Variants in GGNBP2 observed in about 807,000 individuals in gnomAD.
GGNBP2 encodes gametogenetin binding protein 2, also known as gametogenetin-binding protein 2.
GGNBP2 carries 10 observed loss-of-function variants against 85.9 expected under a neutral mutation model. That is an observed-to-expected ratio of 0.12 (90% CI 0.07 to 0.20). The LOEUF is 0.20. Ranked by LOEUF, GGNBP2 falls within the 10% of genes least tolerant of loss-of-function variation. The pLI, the probability that GGNBP2 is intolerant of heterozygous loss-of-function variation, is 1.00. For synonymous variants in GGNBP2, 287 were observed against 285.7 expected (o/e 1.00, Z -0.05); for missense variants, 595 against 857.8 (o/e 0.69, Z 3.83).
intron 5 of GGNBP2, among the ~76,000 whole-genome samples, chr17:36,564,033 C>T (rs544056065): frequency 4.6e-5 from 7 of 152,356 alleles, no homozygotes; most frequent in South Asian, 4.1e-4. Flanking sequence ...GCGTGAGCCA[C>T]GGCGCCTGGC....
At chr17:36,562,656 G>A (rs2074429025) in intron 5 of GGNBP2, among the ~76,000 whole-genome samples, 1 of 150,842 alleles carries the variant, frequency 6.6e-6, no homozygotes, top group East Asian at 2.0e-4. Flanking sequence ...CCTATACCGA[G>A]CAACAAAAAA....
chr17:36,556,751 CTTTTTTT>C (rs10544073), intron 3 of GGNBP2, among the ~76,000 whole-genome samples: 10 of 52,816 alleles, frequency 1.9e-4, no homozygotes, highest in African/African-American at 4.4e-4. Context: ...CTGTATTGTG[CTTTTTTT>C]TTTTTTTTTT....
chr17:36,545,926 T>G, intron 2 of GGNBP2, 109 bp downstream of exon 2: 4 of 752,712 alleles, frequency 5.3e-6, no homozygotes, highest in Non-Finnish European at 6.5e-6. Context: ...GTGTTGCAAC[T>G]CCTAGGCGAG....
At chr17:36,558,414 C>CAAAAA (rs755597241) in intron 4 of GGNBP2, among the ~76,000 whole-genome samples, 2 of 18,974 alleles carry the variant, frequency 1.1e-4, no homozygotes, top group African/African-American at 3.9e-4. Flanking sequence ...AGCTCCATCT[C>CAAAAA]AAAAAAAAAA....
Position 36,582,416 on chromosome 17 carries a change from T to A in GGNBP2, c.1215+878T>A, listed in dbSNP as rs1318028951. 2.6e-5 allele frequency: 4 copies of A among 152,180 alleles called. No homozygotes were observed. The East Asian group carries it at 7.7e-4, about 29-fold the overall frequency. The allele number at this position is 152,180 out of a possible 1,614,324, so 9.4% of individuals were successfully genotyped here. A position where few individuals can be genotyped will look rare whatever the true frequency, so the allele number is the denominator to read the frequency against. The stretch of plus-strand genomic sequence containing the variant: ...ATAAAAACTGTTTAAATAGTTGTTA[T>A]ACTGTATTGTTTAGAAAATAAGGAC... On this transcript the variant is annotated intron_variant, in intron 9 of 13. Transcript: ENST00000613102.
At chr17:36,587,312 G>C in intron 13 of GGNBP2, 67 bp downstream of exon 13, 1 of 1,515,280 alleles carries the variant, frequency 6.6e-7, no homozygotes. Context: ...GGAGGGGATA[G>C]TATTTGAGGG....
chr17:36,575,646 A>ATT lies in GGNBP2; in HGVS notation c.642-2336_642-2335insTT, dbSNP rs1360835058. Among the ~76,000 whole-genome samples, 174 of 54,586 alleles carry ATT rather than the reference A, an allele frequency of 3.2e-3. 1 individual carries two copies. Among genetic ancestry groups the ATT allele is most frequent in the East Asian group, 7.2e-3 (11 of 1,518 alleles). 35.8% of individuals were successfully genotyped at this position (54,586 alleles called of 152,430 possible). On this transcript the variant is annotated intron_variant, in intron 6 of 13. Coordinates refer to ENST00000613102, the MANE Select transcript of GGNBP2 (RefSeq NM_024835.5). Reference sequence around the variant, plus strand: ...TATATATATATATATATATATATATATATTTTTTTTTTTTTTTGAGATGGA... The same window carrying ATT: ...TATATATATATATATATATATATATATTTATTTTTTTTTTTTTTTGAGATGGA...
intron 2 of GGNBP2, 97 bp downstream of exon 2, chr17:36,545,914 G>C: frequency 1.2e-6 from 1 of 848,076 alleles, no homozygotes; most frequent in Non-Finnish European, 1.9e-6. Flanking sequence ...TGGAGAAAGA[G>C]TGTGTTGCAA....
chr17:36,545,338 CG>C (rs1404009889), intron 1 of GGNBP2, among the ~76,000 whole-genome samples: 2 of 123,366 alleles, frequency 1.6e-5, no homozygotes, highest in Middle Eastern at 5.3e-3. Flanking sequence ...ACTCCTGCAG[CG>C]GGCGGGGAAG....
At position 36,583,671 on chromosome 17, in the gene GGNBP2, C is replaced by T. The variant is rs1567834573; in HGVS notation, c.1216-1629C>T. On this transcript the variant is annotated intron_variant, in intron 9 of 13. Coordinates refer to ENST00000613102, the MANE Select transcript of GGNBP2 (RefSeq NM_024835.5). ...AGAGATGGGGTTTTGCCTTGTTGCC[C>T]AGGCTGGTCTCGAACTCCTGAGCTT... is the stretch of plus-strand genomic sequence containing the variant. Among the ~76,000 whole-genome samples the T allele has an allele frequency of 2.0e-5, 3 of 151,902 alleles. No homozygotes were observed. The East Asian group carries it at 5.9e-4, about 30-fold the overall frequency.
intron 3 of GGNBP2, 55 bp downstream of exon 3, chr17:36,554,955 AT>A: frequency 9.5e-7 from 1 of 1,048,414 alleles, no homozygotes; most frequent in South Asian, 1.3e-5. Context: ...TTAAAGACTC[AT>A]TTAAAATTTA....
At chr17:36,566,392 GCTCACGC>G (rs961970889) in intron 5 of GGNBP2, among the ~76,000 whole-genome samples, 29 of 152,308 alleles carry the variant, frequency 1.9e-4, no homozygotes, top group African/African-American at 6.7e-4. Flanking sequence ...GGGCTTGGTG[GCTCACGC>G]CTGTAATCCC....
At position 36,586,989 on chromosome 17, in the gene GGNBP2, G is replaced by A. The variant is rs768739599; in HGVS notation, c.1642-8G>A. Reference sequence around the variant, plus strand: ...TTTTACCTGTGAAATCCTTTGCTGTGGTATCAGATCCAGAAGCTTGGAAGC... The same window carrying A: ...TTTTACCTGTGAAATCCTTTGCTGTAGTATCAGATCCAGAAGCTTGGAAGC... On this transcript the variant is annotated splice_polypyrimidine_tract_variant and splice_region_variant and intron_variant, in intron 12 of 13. Coordinates refer to ENST00000613102, the MANE Select transcript of GGNBP2 (RefSeq NM_024835.5). 3 of 1,609,108 alleles carry A rather than the reference G, an allele frequency of 1.9e-6. No homozygotes were observed. Among genetic ancestry groups the A allele is most frequent in the Non-Finnish European group, 2.5e-6 (3 of 1,177,140 alleles).
At chr17:36,578,988 T>C (rs993302305) in intron 7 of GGNBP2, 1 of 424,188 alleles carries the variant, frequency 2.4e-6, no homozygotes, top group Admixed American at 3.8e-5. Flanking sequence ...CTTTGTGCCC[T>C]AAAACCCATC....
At chr17:36,550,548 G>A (rs1490309669) in intron 2 of GGNBP2, among the ~76,000 whole-genome samples, 1 of 152,172 alleles carries the variant, frequency 6.6e-6, no homozygotes, top group Non-Finnish European at 1.5e-5. Context: ...AAACCAAAAT[G>A]ACAGTGATTT....
chr17:36,545,540 C>A (rs1020987811), intron 1 of GGNBP2, 79 bp from the exon 2 acceptor site: 2 of 564,878 alleles, frequency 3.5e-6, no homozygotes, highest in South Asian at 2.2e-5. Flanking sequence ...CCGTACCCTC[C>A]CGCTCCGCTC....
intron 9 of GGNBP2, 134 bp from the exon 10 acceptor site, chr17:36,585,166 C>A: frequency 1.4e-6 from 1 of 692,972 alleles, no homozygotes; most frequent in Non-Finnish European, 2.4e-6. Flanking sequence ...TACTTTTGTA[C>A]TGTCAGTGTA....
At chr17:36,580,508 A>T (rs1467297749) in intron 8 of GGNBP2, among the ~76,000 whole-genome samples, 1 of 150,494 alleles carries the variant, frequency 6.6e-6, no homozygotes, top group African/African-American at 2.4e-5. Flanking sequence ...CACGGCGCCC[A>T]GCCCTTACTC....
chr17:36,575,646 A>ATTTTTTTTT lies in GGNBP2; in HGVS notation c.642-2336_642-2335insTTTTTTTTT, dbSNP rs1360835058. On this transcript the variant is annotated intron_variant, in intron 6 of 13. Coordinates refer to ENST00000613102, the MANE Select transcript of GGNBP2 (RefSeq NM_024835.5). ...TATATATATATATATATATATATAT[A>ATTTTTTTTT]TATTTTTTTTTTTTTTTGAGATGGA... 4.6e-3 allele frequency among the ~76,000 whole-genome samples: 251 copies of ATTTTTTTTT among 54,568 alleles called. 1 individual carries two copies. The highest frequency in any genetic ancestry group is 7.4e-3 in the Non-Finnish European group (221 of 29,984). 35.8% of individuals were successfully genotyped at this position (54,568 alleles called of 152,430 possible). A position where few individuals can be genotyped will look rare whatever the true frequency, so the allele number is the denominator to read the frequency against.
Sources: gnomAD v4.1 joint callset for allele counts (sites outside exome capture counted in the v4.1 genomes callset) on GRCh38, gnomAD v4.1.1 for gene constraint, MANE v1.5 for transcripts, NCBI Gene and HGNC (gene_info 2026-07-23, HGNC 2026-07-21) for gene names.